The following CPNE5 variants were observed in gnomAD, a reference collection of about 807,000 sequenced individuals.
The protein encoded by CPNE5 is copine 5.
A neutral mutation model predicts 81.1 loss-of-function variants in CPNE5; 42 were observed. That is an observed-to-expected ratio of 0.52 (90% CI 0.40 to 0.67). The LOEUF (loss-of-function observed/expected upper bound fraction) is 0.67. CPNE5 is among the 30% of genes least tolerant of loss of function. CPNE5 has a pLI of 0.00. For synonymous variants in CPNE5, 313 were observed against 321.5 expected (o/e 0.97, Z 0.28); for missense variants, 612 against 815.5 (o/e 0.75, Z 3.04).
intron 1 of CPNE5, among the ~76,000 whole-genome samples, chr6:36,831,482 T>C (rs1772985011): frequency 6.6e-6 from 1 of 151,848 alleles, no homozygotes; most frequent in Admixed American, 6.6e-5. Flanking sequence ...GCTTCTCGAG[T>C]AGCTGGGATT....
Position 36,787,424 on chromosome 6 carries a change from G to A in CPNE5, c.528+4609C>T, listed in dbSNP as rs142318211. Among the ~76,000 whole-genome samples the A allele has an allele frequency of 3.2e-3, 482 of 151,958 alleles. 1 individual carries two copies. Among genetic ancestry groups the A allele is most frequent in the Non-Finnish European group, 5.8e-3 (396 of 67,976 alleles). On this transcript the variant is annotated intron_variant, in intron 8 of 20. Transcript: ENST00000244751. ...TTTGCACTGGCTGTTCTGTCTGCTTGGACCAATATTCCCCAGGTAACTGGA... is the reference window on the plus strand; with the variant it reads ...TTTGCACTGGCTGTTCTGTCTGCTTAGACCAATATTCCCCAGGTAACTGGA...
Position 36,743,558 on chromosome 6 carries a change from G to A in CPNE5, c.1563+131C>T, listed in dbSNP as rs146503365. On this transcript the variant is annotated intron_variant, in intron 20 of 20. Transcript: ENST00000244751. Reference sequence around the variant, plus strand: ...ACTCCTACTCCCTTCGGTGGTGGCTGGGCCACTTTGGGGCTCCCAGTGCCT... The same window carrying A: ...ACTCCTACTCCCTTCGGTGGTGGCTAGGCCACTTTGGGGCTCCCAGTGCCT... 2,653 of 865,842 alleles carry A rather than the reference G, an allele frequency of 3.1e-3. 38 individuals are homozygous for A. In the African/African-American group the frequency reaches 0.039, roughly 13 times the overall value. 53.6% of individuals were successfully genotyped at this position (865,842 alleles called of 1,614,324 possible).
chr6:36,798,132 G>A (rs1168948772), intron 6 of CPNE5, 33 bp downstream of exon 6: 7 of 1,579,308 alleles, frequency 4.4e-6, no homozygotes, highest in East Asian at 2.2e-5. Flanking sequence ...CGGGAAGTTG[G>A]CCTACCACTG....
chr6:36,820,717 A>G (rs1319702452), intron 3 of CPNE5, among the ~76,000 whole-genome samples: 2 of 151,798 alleles, frequency 1.3e-5, no homozygotes, highest in Non-Finnish European at 2.9e-5. Flanking sequence ...AGGCAGGAGG[A>G]TTGCTTGAGT....
chr6:36,778,774 G>T, intron 9 of CPNE5, 80 bp downstream of exon 9: 1 of 966,898 alleles, frequency 1.0e-6, no homozygotes, highest in Non-Finnish European at 1.6e-6. Flanking sequence ...ACCCTGCCTG[G>T]CAAGTCACCA....
chr6:36,821,251 T>C (rs1583013791), intron 3 of CPNE5, among the ~76,000 whole-genome samples: 1 of 140,248 alleles, frequency 7.1e-6, no homozygotes, highest in African/African-American at 2.7e-5. Flanking sequence ...GTGACTGGAG[T>C]GGAGTGGGGA....
At chr6:36,827,503 C>T (rs1772604956) in intron 1 of CPNE5, 1 of 985,438 alleles carries the variant, frequency 1.0e-6, no homozygotes, top group Non-Finnish European at 1.2e-6. Context: ...CAGAGATCCC[C>T]CTATTATGTC....
intron 8 of CPNE5, among the ~76,000 whole-genome samples, chr6:36,779,526 G>A (rs1767834571): frequency 6.6e-6 from 1 of 152,130 alleles, no homozygotes; most frequent in Non-Finnish European, 1.5e-5. Context: ...TTCGAGTTTT[G>A]GCATCACTTT....
intron 14 of CPNE5, among the ~76,000 whole-genome samples, chr6:36,750,821 C>T (rs1436829188): frequency 1.3e-5 from 2 of 152,188 alleles, no homozygotes; most frequent in Non-Finnish European, 2.9e-5. Flanking sequence ...CTTCCAAATA[C>T]AGGGTGAGGG....
chr6:36,830,587 G>A (rs1192733499), intron 1 of CPNE5, among the ~76,000 whole-genome samples: 2 of 152,186 alleles, frequency 1.3e-5, no homozygotes, highest in Non-Finnish European at 2.9e-5. Flanking sequence ...GGGGCAATTT[G>A]CATTTTTATT....
At position 36,742,301 on chromosome 6, in the gene CPNE5, C is replaced by A. The variant is rs1409861855; in HGVS notation, c.1749G>T (p.Thr583=). The A allele has an allele frequency of 6.2e-7, 1 of 1,602,982 alleles. No individual in the cohort carries two copies. Residue 583 remains threonine (T), a synonymous_variant, in exon 21 of 21, where the codon ACG becomes ACT. Transcript: ENST00000244751. ...THSPSQSPAR[T]PPASPLHTHI The stretch of plus-strand genomic sequence containing the variant: ...GCGTGTGCAGGGGGGACGCAGGGGG[C>A]GTGCGGGCTGGGGACTGCGAGGGCG...
At chr6:36,742,607 C>T in intron 20 of CPNE5, 121 bp from the exon 21 acceptor site, 1 of 1,457,990 alleles carries the variant, frequency 6.9e-7, no homozygotes, top group Non-Finnish European at 9.1e-7. Flanking sequence ...ACTCAATCCC[C>T]CCACCTTTCT....
Position 36,784,949 on chromosome 6 carries a change from GA to G in CPNE5, c.529-5993del, listed in dbSNP as rs11384684. ...ATCTCAAAAACAAAGAGAGAGAGAG[GA>G]AAAAAAAAAAAAGAAAAGAAATGCC... On this transcript the variant is annotated intron_variant, in intron 8 of 20. Transcript: ENST00000244751. Among the ~76,000 whole-genome samples, 102 of 137,520 alleles carry G rather than the reference GA, an allele frequency of 7.4e-4. 1 individual carries two copies. The highest frequency in any genetic ancestry group is 1.3e-3 in the Non-Finnish European group (81 of 64,172). 90.2% of individuals were successfully genotyped at this position (137,520 alleles called of 152,430 possible).
At chr6:36,775,382 C>T (rs570607719) in intron 9 of CPNE5, among the ~76,000 whole-genome samples, 24 of 152,330 alleles carry the variant, frequency 1.6e-4, no homozygotes, top group African/African-American at 5.8e-4. Context: ...AAGCTCTCCC[C>T]TCTCTGGGCC....
At chr6:36,801,939 G>A (rs9470400) in intron 3 of CPNE5, among the ~76,000 whole-genome samples, 2,292 of 152,206 alleles carry the variant, frequency 0.015, 44 homozygotes, top group African/African-American at 0.043. Flanking sequence ...GTTATGATGC[G>A]GCTGGGCGCG....
intron 12 of CPNE5, among the ~76,000 whole-genome samples, chr6:36,760,965 G>A (rs1407846800): frequency 6.6e-6 from 1 of 152,240 alleles, no homozygotes; most frequent in Non-Finnish European, 1.5e-5. Context: ...TCCGATGTGT[G>A]CAGACAGTGC....
At chr6:36,790,888 A>G (rs943577660) in intron 8 of CPNE5, among the ~76,000 whole-genome samples, 18 of 152,232 alleles carry the variant, frequency 1.2e-4, no homozygotes, top group African/African-American at 4.1e-4. Flanking sequence ...GGGTTCAACT[A>G]TTGTTATTTT....
chr6:36,784,874 G>A (rs1768383738), intron 8 of CPNE5, among the ~76,000 whole-genome samples: 1 of 151,566 alleles, frequency 6.6e-6, no homozygotes, highest in African/African-American at 2.4e-5. Flanking sequence ...AAGAGGTGGA[G>A]GTTGCAGTGA....
At chr6:36,832,902 T>C (rs1773079892) in intron 1 of CPNE5, among the ~76,000 whole-genome samples, 1 of 152,162 alleles carries the variant, frequency 6.6e-6, no homozygotes, top group Non-Finnish European at 1.5e-5. Context: ...GATGGTAAAC[T>C]ACTACCGTGC....
Sources: gnomAD v4.1 joint callset for allele counts (sites outside exome capture counted in the v4.1 genomes callset) on GRCh38, gnomAD v4.1.1 for gene constraint, MANE v1.5 for transcripts, NCBI Gene and HGNC (gene_info 2026-07-23, HGNC 2026-07-21) for gene names.